ATP6V1A: variants seen among roughly 807,000 people sequenced by gnomAD.
ATP6V1A encodes V-type proton ATPase catalytic subunit A.
In ATP6V1A, 18 loss-of-function variants were observed where a neutral mutation model predicts 70.1. The observed-to-expected ratio is 0.26, with a 90% CI of 0.18 to 0.38. ATP6V1A has a LOEUF of 0.38. ATP6V1A is among the 10% of genes least tolerant of loss of function. ATP6V1A has a pLI of 1.00. For missense variants in ATP6V1A, 424 were observed against 772.4 expected (o/e 0.55, Z 5.35); for synonymous variants, 232 against 253.8 (o/e 0.91, Z 0.82).
At position 113,784,563 on chromosome 3, in the gene ATP6V1A, T is replaced by A. The variant is rs546006043; in HGVS notation, c.426+125T>A. On this transcript the variant is annotated intron_variant, in intron 4 of 14. Transcript: ENST00000273398. ...ACAGAAGGATAGTTTAAAGTTTTTC[T>A]TAACTCTACTTCATGGGATTTTAGA... 1.9e-3 allele frequency: 2,595 copies of A among 1,399,428 alleles called. 4 individuals carry two copies. Among genetic ancestry groups the A allele is most frequent in the Non-Finnish European group, 2.4e-3 (2,517 of 1,033,442 alleles). 86.7% of individuals were successfully genotyped at this position (1,399,428 alleles called of 1,614,324 possible). A position where few individuals can be genotyped will look rare whatever the true frequency, so the allele number is the denominator to read the frequency against.
chr3:113,774,724 A>C (rs1036505297), intron 1 of ATP6V1A, among the ~76,000 whole-genome samples: 2 of 151,960 alleles, frequency 1.3e-5, no homozygotes, highest in East Asian at 1.9e-4. Flanking sequence ...GAGGCACAAG[A>C]ATCGCTTGAA....
intron 6 of ATP6V1A, 129 bp downstream of exon 6, chr3:113,786,512 G>T: frequency 1.1e-6 from 1 of 940,378 alleles, no homozygotes; most frequent in Non-Finnish European, 1.5e-6. Flanking sequence ...TAATAATGGT[G>T]AATTAAATAT....
chr3:113,761,538 A>G (rs546986256), intron 1 of ATP6V1A, among the ~76,000 whole-genome samples: 14 of 151,940 alleles, frequency 9.2e-5, no homozygotes, highest in Admixed American at 6.6e-4. Context: ...GGAGTTCAAG[A>G]CCAGCCTGAC....
At chr3:113,805,588 T>G in intron 14 of ATP6V1A, 63 bp downstream of exon 14, 1 of 1,464,230 alleles carries the variant, frequency 6.8e-7, no homozygotes, top group Non-Finnish European at 9.4e-7. Flanking sequence ...CTTTTTTTTT[T>G]AGACAGAGTC....
At chr3:113,773,177 A>G (rs1402334640) in intron 1 of ATP6V1A, among the ~76,000 whole-genome samples, 4 of 151,860 alleles carry the variant, frequency 2.6e-5, no homozygotes, top group African/African-American at 9.7e-5. Context: ...TGACCTCGTG[A>G]TCCACCCGCC....
chr3:113,758,908 A>G (rs991992078), intron 1 of ATP6V1A, among the ~76,000 whole-genome samples: 5 of 152,114 alleles, frequency 3.3e-5, no homozygotes, highest in South Asian at 2.1e-4. Context: ...TTTAACTTGC[A>G]TTTTCCTAGT....
At chr3:113,756,430 T>C (rs1336878049) in intron 1 of ATP6V1A, among the ~76,000 whole-genome samples, 1 of 152,174 alleles carries the variant, frequency 6.6e-6, no homozygotes, top group Non-Finnish European at 1.5e-5. Context: ...CAAATTGCTC[T>C]CCAATTTAGG....
intron 8 of ATP6V1A, among the ~76,000 whole-genome samples, chr3:113,790,229 G>A (rs1486727186): frequency 6.6e-6 from 1 of 150,428 alleles, no homozygotes; most frequent in African/African-American, 2.5e-5. Flanking sequence ...CTTGAATCCG[G>A]GAGGCAGAGG....
At chr3:113,775,916 GT>G (rs1708906207) in intron 1 of ATP6V1A, among the ~76,000 whole-genome samples, 1 of 152,122 alleles carries the variant, frequency 6.6e-6, no homozygotes, top group Non-Finnish European at 1.5e-5. Flanking sequence ...AATTAAATAT[GT>G]TTGTCTTTAA....
rs562225322 is a variant in ATP6V1A at position 113,786,616 on chromosome 3, T to C, written c.716+233T>C. Reference sequence around the variant, plus strand: ...CAGAAAGCATTATTTCTGAAACTTTTCTGGAAAAATTAAATTTGCTGAAGA... The same window carrying C: ...CAGAAAGCATTATTTCTGAAACTTTCCTGGAAAAATTAAATTTGCTGAAGA... On this transcript the variant is annotated intron_variant, in intron 6 of 14. Coordinates refer to ENST00000273398, the MANE Select transcript of ATP6V1A (RefSeq NM_001690.4). Among the ~76,000 whole-genome samples the C allele has an allele frequency of 2.0e-5, 3 of 152,292 alleles. No homozygotes were observed. The East Asian group carries it at 5.8e-4, about 29-fold the overall frequency.
At chr3:113,765,937 G>A (rs1157769887) in intron 1 of ATP6V1A, among the ~76,000 whole-genome samples, 1 of 151,134 alleles carries the variant, frequency 6.6e-6, no homozygotes, top group African/African-American at 2.4e-5. Flanking sequence ...AAAAAAAAAG[G>A]AGATGGGTAA....
At chr3:113,757,681 T>C (rs1708660689) in intron 1 of ATP6V1A, among the ~76,000 whole-genome samples, 1 of 152,230 alleles carries the variant, frequency 6.6e-6, no homozygotes, top group African/African-American at 2.4e-5. Flanking sequence ...TTAGTTAAAC[T>C]TGGCAGGACC....
intron 12 of ATP6V1A, among the ~76,000 whole-genome samples, chr3:113,802,254 C>T (rs576584847): frequency 6.7e-4 from 93 of 137,778 alleles, no homozygotes; most frequent in African/African-American, 2.4e-3. Context: ...TGAAACAAGA[C>T]TGAGAATTCA....
At chr3:113,796,889 C>T (rs2108039451) in intron 11 of ATP6V1A, among the ~76,000 whole-genome samples, 1 of 152,160 alleles carries the variant, frequency 6.6e-6, no homozygotes, top group East Asian at 1.9e-4. Flanking sequence ...GTTGGATTGG[C>T]CCTGTGAATG....
At chr3:113,751,783 G>A (rs554701710) in intron 1 of ATP6V1A, among the ~76,000 whole-genome samples, 5 of 151,430 alleles carry the variant, frequency 3.3e-5, no homozygotes, top group Admixed American at 2.0e-4. Context: ...GTGTATCTTC[G>A]TAGTAACATA....
intron 1 of ATP6V1A, among the ~76,000 whole-genome samples, chr3:113,759,284 C>A (rs567237324): frequency 7.7e-6 from 1 of 129,616 alleles, no homozygotes; most frequent in African/African-American, 2.9e-5. Context: ...TATATAGTTA[C>A]GGGTTTTTTT....
intron 1 of ATP6V1A, among the ~76,000 whole-genome samples, chr3:113,770,066 T>A (rs937133699): frequency 7.5e-5 from 11 of 146,514 alleles, no homozygotes; most frequent in Admixed American, 2.0e-4. Flanking sequence ...TATTTATTTA[T>A]TTTTGAGACT....
chr3:113,756,700 A>G (rs541353838), intron 1 of ATP6V1A, among the ~76,000 whole-genome samples: 1 of 152,360 alleles, frequency 6.6e-6, no homozygotes, highest in East Asian at 1.9e-4. Flanking sequence ...TGATTTATAC[A>G]TTGAAATTCT....
intron 12 of ATP6V1A, 152 bp from the exon 13 acceptor site, chr3:113,803,413 GCCTTTTAACCACAGTTTA>G: frequency 1.7e-6 from 1 of 587,914 alleles, no homozygotes; most frequent in Non-Finnish European, 3.1e-6. Context: ...TATGTTACAT[GCCTTTTAACCACAGTTTA>G]AAAAGAACAT....
Sources: gnomAD v4.1 joint callset for allele counts (sites outside exome capture counted in the v4.1 genomes callset) on GRCh38, gnomAD v4.1.1 for gene constraint, MANE v1.5 for transcripts, NCBI Gene and HGNC (gene_info 2026-07-23, HGNC 2026-07-21) for gene names.